Variants in MAN1A1 observed in about 807,000 individuals in gnomAD.
The protein encoded by MAN1A1 is mannosidase alpha class 1A member 1.
Under a neutral mutation model 70.8 loss-of-function variants are expected in MAN1A1, and 29 were observed. That is an observed-to-expected ratio of 0.41 (90% confidence interval 0.31 to 0.56). The LOEUF (loss-of-function observed/expected upper bound fraction) is 0.56. Ranked by LOEUF, MAN1A1 falls within the 20% of genes least tolerant of loss-of-function variation. The pLI, the probability that MAN1A1 is intolerant of heterozygous loss-of-function variation, is 0.29. For synonymous variants in MAN1A1, 349 were observed against 330.1 expected (o/e 1.06, Z -0.62); for missense variants, 747 against 841.3 (o/e 0.89, Z 1.39).
At chr6:119,237,518 T>C (rs796870049) in intron 6 of MAN1A1, among the ~76,000 whole-genome samples, 1 of 152,092 alleles carries the variant, frequency 6.6e-6, no homozygotes, top group African/African-American at 2.4e-5. Flanking sequence ...TTTTTGCTTT[T>C]TGGTTTTGTC....
intron 3 of MAN1A1, among the ~76,000 whole-genome samples, chr6:119,305,016 T>C (rs1772490353): frequency 6.6e-6 from 1 of 152,276 alleles, no homozygotes. Context: ...ATTTCTATAA[T>C]AAGAAAATCA....
intron 3 of MAN1A1, among the ~76,000 whole-genome samples, chr6:119,302,378 TTC>T (rs1562233540): frequency 6.6e-6 from 1 of 152,056 alleles, no homozygotes; most frequent in East Asian, 1.9e-4. Context: ...AGTGATTGCA[TTC>T]TCTCTCTTTT....
intron 2 of MAN1A1, among the ~76,000 whole-genome samples, chr6:119,327,798 C>T (rs1773195236): frequency 6.6e-6 from 1 of 151,968 alleles, no homozygotes; most frequent in Non-Finnish European, 1.5e-5. Flanking sequence ...GAAATGTGTA[C>T]ACCATAAATA....
At chr6:119,306,848 A>C in intron 3 of MAN1A1, 48 bp downstream of exon 3, 1 of 1,321,974 alleles carries the variant, frequency 7.6e-7, no homozygotes, top group Non-Finnish European at 1.1e-6. Context: ...AGCTCAAGCA[A>C]TTGGGGAGAA....
chr6:119,277,414 T>C (rs9489651), intron 5 of MAN1A1, among the ~76,000 whole-genome samples: 6,292 of 152,314 alleles, frequency 0.041, 149 homozygotes, highest in African/African-American at 0.054. Flanking sequence ...ATGAAATCTT[T>C]AGAGGACTTC....
intron 2 of MAN1A1, among the ~76,000 whole-genome samples, chr6:119,313,192 T>G (rs1772756997): frequency 6.6e-6 from 1 of 152,156 alleles, no homozygotes; most frequent in Admixed American, 6.5e-5. Context: ...CTGATGTGAC[T>G]CCGCCTTCAC....
chr6:119,244,189 A>G (rs1490813336), intron 6 of MAN1A1, among the ~76,000 whole-genome samples: 1 of 152,108 alleles, frequency 6.6e-6, no homozygotes, highest in Non-Finnish European at 1.5e-5. Context: ...CTGATTTTAC[A>G]AATCACAGAG....
Position 119,266,505 on chromosome 6 carries a change from G to C in MAN1A1, c.898-18151C>G, listed in dbSNP as rs182312427. Among the ~76,000 whole-genome samples, 156 of 151,600 alleles carry C rather than the reference G, an allele frequency of 1.0e-3. 2 individuals are homozygous for C. Among genetic ancestry groups the C allele is most frequent in the African/African-American group, 3.5e-3 (143 of 41,372 alleles). ...AGAAAAGATAGCCTTTTTAACAAAT[G>C]GTGCTGGAAAAACTAGATATCCATA... On this transcript the variant is annotated intron_variant, in intron 5 of 12. Coordinates refer to ENST00000368468, the MANE Select transcript of MAN1A1 (RefSeq NM_005907.4).
rs1275633901 is a variant in MAN1A1, at chr6:119,290,644, ACT to A, written c.897+37_897+38del. On this transcript the variant is annotated intron_variant, in intron 5 of 12. Transcript: ENST00000368468. The stretch of plus-strand genomic sequence containing the variant: ...TTTTACCAAAAATGTAGTTTAAGAC[ACT>A]TTATAATTCACATTTATATACCACT... 3 of 1,431,196 alleles carry A rather than the reference ACT, an allele frequency of 2.1e-6. No homozygotes were observed. The Admixed American group carries it at 5.8e-5, about 28-fold the overall frequency. The allele number at this position is 1,431,196 out of a possible 1,614,324, so 88.7% of individuals were successfully genotyped here.
chr6:119,219,934 ATTT>A (rs5879490), intron 6 of MAN1A1, among the ~76,000 whole-genome samples: 1 of 148,416 alleles, frequency 6.7e-6, no homozygotes, highest in Non-Finnish European at 1.5e-5. Flanking sequence ...TTGTCTGGTG[ATTT>A]TTTTTTTTTT....
At chr6:119,183,424 G>A (rs1289453979) in intron 11 of MAN1A1, among the ~76,000 whole-genome samples, 3 of 150,944 alleles carry the variant, frequency 2.0e-5, no homozygotes, top group Admixed American at 6.6e-5. Context: ...TTGACAAAGA[G>A]TCAAATACCA....
chr6:119,185,734 G>A (rs1012958932), intron 11 of MAN1A1, among the ~76,000 whole-genome samples: 6 of 151,832 alleles, frequency 4.0e-5, no homozygotes, highest in East Asian at 3.9e-4. Context: ...CCGCCACCAC[G>A]CCTGGTTAAT....
At chr6:119,245,728 AATT>A (rs1233406667) in intron 6 of MAN1A1, among the ~76,000 whole-genome samples, 3 of 152,270 alleles carry the variant, frequency 2.0e-5, no homozygotes, top group Middle Eastern at 3.4e-3. Flanking sequence ...GCCAAGAAGA[AATT>A]ATTATCAGCT....
At chr6:119,214,847 T>G (rs1453081206) in intron 6 of MAN1A1, among the ~76,000 whole-genome samples, 1 of 152,150 alleles carries the variant, frequency 6.6e-6, no homozygotes, top group Non-Finnish European at 1.5e-5. Context: ...TTATTTTGCC[T>G]TTAAGGAAAT....
rs538990138 is a variant in MAN1A1, at chr6:119,224,538, T to C, written c.993-19656A>G. On this transcript the variant is annotated intron_variant, in intron 6 of 12. Transcript: ENST00000368468. ...TATGGTTTGAATCCAAGAGAGTTAA[T>C]GGCTAGGTAAACAATAACAAAATAA... 1.6e-3 allele frequency among the ~76,000 whole-genome samples: 246 copies of C among 152,292 alleles called. 1 individual carries two copies. Among genetic ancestry groups the C allele is most frequent in the African/African-American group, 5.8e-3 (242 of 41,554 alleles).
At chr6:119,281,149 T>C (rs1372027590) in intron 5 of MAN1A1, among the ~76,000 whole-genome samples, 2 of 152,266 alleles carry the variant, frequency 1.3e-5, no homozygotes, top group Non-Finnish European at 2.9e-5. Context: ...CTTGAAAATT[T>C]AGTGAAGATG....
chr6:119,232,865 C>A (rs868576286), intron 6 of MAN1A1, among the ~76,000 whole-genome samples: 12 of 152,220 alleles, frequency 7.9e-5, no homozygotes, highest in African/African-American at 2.9e-4. Context: ...AGAATCAACA[C>A]AATAATGTAT....
intron 5 of MAN1A1, among the ~76,000 whole-genome samples, chr6:119,288,205 G>T (rs1776430564): frequency 6.6e-6 from 1 of 151,876 alleles, no homozygotes; most frequent in African/African-American, 2.4e-5. Context: ...ATCTTGAGCT[G>T]ATATCAATGT....
chr6:119,266,539 CA>C (rs71015032), intron 5 of MAN1A1, among the ~76,000 whole-genome samples: 3 of 150,878 alleles, frequency 2.0e-5, no homozygotes, highest in African/African-American at 7.3e-5. Context: ...TATACACATA[CA>C]AAAAAAAATG....
Sources: allele counts gnomAD v4.1 joint callset (sites outside exome capture counted in the v4.1 genomes callset), GRCh38; gene constraint gnomAD v4.1.1; transcripts MANE v1.5; gene names NCBI Gene and HGNC (gene_info 2026-07-23, HGNC 2026-07-21).